KIAA0319L: variants seen among roughly 807,000 people sequenced by gnomAD.
The protein encoded by KIAA0319L is dyslexia-associated protein KIAA0319-like protein.
Under a neutral mutation model 120.1 loss-of-function variants are expected in KIAA0319L, and 55 were observed. The observed-to-expected ratio is 0.46, with a 90% CI of 0.37 to 0.57. The LOEUF (loss-of-function observed/expected upper bound fraction) is 0.57. Ranked by LOEUF, KIAA0319L falls within the 20% of genes least tolerant of loss-of-function variation. KIAA0319L has a pLI of 0.00. For missense variants in KIAA0319L, 1,049 were observed against 1,255.3 expected (o/e 0.84, Z 2.48); for synonymous variants, 398 against 471.9 (o/e 0.84, Z 2.03).
intron 2 of KIAA0319L, among the ~76,000 whole-genome samples, chr1:35,546,721 A>G (rs930649232): frequency 2.0e-5 from 3 of 152,226 alleles, no homozygotes; most frequent in Admixed American, 2.0e-4. Context: ...CTGAATACGT[A>G]TTAGGCCCAA....
chr1:35,479,402 T>G (rs1023482817), intron 3 of KIAA0319L, among the ~76,000 whole-genome samples, 190 bp from the exon 4 acceptor site: 1 of 152,206 alleles, frequency 6.6e-6, no homozygotes, highest in African/African-American at 2.4e-5. Flanking sequence ...GTTTTTTTCC[T>G]AGCCAAAATG....
intron 2 of KIAA0319L, among the ~76,000 whole-genome samples, chr1:35,526,094 T>C (rs1235787326): frequency 6.6e-6 from 1 of 151,968 alleles, no homozygotes; most frequent in Non-Finnish European, 1.5e-5. Flanking sequence ...GAACAAGATA[T>C]CCTTTCCCCA....
chr1:35,526,312 CAT>C (rs761610174), intron 2 of KIAA0319L, among the ~76,000 whole-genome samples: 87 of 141,512 alleles, frequency 6.1e-4, no homozygotes, highest in Non-Finnish European at 9.6e-4. Flanking sequence ...TACATATATA[CAT>C]ATGTGTATGT....
chr1:35,526,385 A>C (rs987455020), intron 2 of KIAA0319L, among the ~76,000 whole-genome samples: 1 of 118,446 alleles, frequency 8.4e-6, no homozygotes, highest in African/African-American at 4.3e-5. Context: ...ATATATATAC[A>C]TACATATATA....
At chr1:35,524,576 T>C (rs1315767722) in intron 2 of KIAA0319L, among the ~76,000 whole-genome samples, 1 of 152,230 alleles carries the variant, frequency 6.6e-6, no homozygotes, top group Non-Finnish European at 1.5e-5. Flanking sequence ...TATTCCTAAA[T>C]TATTGCTAGA....
At chr1:35,503,972 A>G (rs1266003643) in intron 3 of KIAA0319L, among the ~76,000 whole-genome samples, 1 of 142,872 alleles carries the variant, frequency 7.0e-6, no homozygotes, top group East Asian at 2.0e-4. Flanking sequence ...TGCAACTTCC[A>G]CCTCCTGGGT....
chr1:35,466,524 A>C, intron 7 of KIAA0319L, 84 bp downstream of exon 7: 1 of 917,936 alleles, frequency 1.1e-6, no homozygotes, highest in Non-Finnish European at 1.7e-6. Context: ...AAAAATGAGA[A>C]TCAAAAACCC....
At chr1:35,496,822 C>T (rs953995785) in intron 3 of KIAA0319L, among the ~76,000 whole-genome samples, 3 of 151,958 alleles carry the variant, frequency 2.0e-5, no homozygotes, top group Admixed American at 6.6e-5. Flanking sequence ...TGGCACATGC[C>T]TGTATTCCCA....
intron 2 of KIAA0319L, among the ~76,000 whole-genome samples, chr1:35,550,555 C>T (rs1178308850): frequency 1.3e-5 from 2 of 152,016 alleles, no homozygotes; most frequent in East Asian, 3.9e-4. Flanking sequence ...GATAATAATT[C>T]CTCTAGTCAA....
chr1:35,463,588 T>C (rs893598563), intron 7 of KIAA0319L, among the ~76,000 whole-genome samples: 6 of 152,364 alleles, frequency 3.9e-5, no homozygotes, highest in Admixed American at 1.3e-4. Context: ...GGCATTTTCT[T>C]TGCAAAATGA....
At chr1:35,444,013 G>C (rs1163981004) in intron 17 of KIAA0319L, 148 bp downstream of exon 17, 1 of 631,574 alleles carries the variant, frequency 1.6e-6, no homozygotes, top group Admixed American at 3.7e-5. Flanking sequence ...TGATGAATCA[G>C]GACTCTTTCA....
At chr1:35,465,672 G>C (rs915946241) in intron 7 of KIAA0319L, among the ~76,000 whole-genome samples, 12 of 152,146 alleles carry the variant, frequency 7.9e-5, no homozygotes, top group Admixed American at 7.2e-4. Context: ...GGGGCCAGGG[G>C]TGGAATGATA....
intron 2 of KIAA0319L, among the ~76,000 whole-genome samples, chr1:35,515,905 T>C (rs1259303271): frequency 6.6e-6 from 1 of 151,972 alleles, no homozygotes; most frequent in Non-Finnish European, 1.5e-5. Context: ...AAATAACCAT[T>C]AGAAGCTACT....
chr1:35,458,111 T>C (rs1042823746), intron 9 of KIAA0319L, among the ~76,000 whole-genome samples: 2 of 152,212 alleles, frequency 1.3e-5, no homozygotes, highest in Admixed American at 6.5e-5. Flanking sequence ...AATTTTTTTG[T>C]ATTTTTAGTA....
rs186839556 is a variant in KIAA0319L at position 35,464,712 on chromosome 1, T to C, written c.1201+1896A>G. Among the ~76,000 whole-genome samples, 86 of 152,290 alleles carry C rather than the reference T, an allele frequency of 5.6e-4. 1 individual carries two copies. The highest frequency in any genetic ancestry group is 2.0e-3 in the African/African-American group (83 of 41,574). ...CTCTAGGGCATGTGAGAGGGCTTCA[T>C]AGCAGCCCTCACAGGGGCTGGAGGC... On this transcript the variant is annotated intron_variant, in intron 7 of 20. Transcript: ENST00000325722.
At chr1:35,518,122 G>A (rs576372056) in intron 2 of KIAA0319L, among the ~76,000 whole-genome samples, 1 of 152,328 alleles carries the variant, frequency 6.6e-6, no homozygotes, top group African/African-American at 2.4e-5. Context: ...GCTGGTGGGA[G>A]TATAAATTAG....
chr1:35,449,842 C>T, intron 15 of KIAA0319L, 25 bp downstream of exon 15: 2 of 1,613,034 alleles, frequency 1.2e-6, no homozygotes, highest in Non-Finnish European at 1.7e-6. Flanking sequence ...CAATTCTACT[C>T]AGCCTCATCA....
At chr1:35,519,999 C>G (rs1645844885) in intron 2 of KIAA0319L, among the ~76,000 whole-genome samples, 1 of 152,186 alleles carries the variant, frequency 6.6e-6, no homozygotes, top group South Asian at 2.1e-4. Context: ...TAAATGGTCT[C>G]CATTCTTATC....
chr1:35,478,930 C>T (rs1644023851), intron 4 of KIAA0319L, 36 bp downstream of exon 4: 7 of 1,604,548 alleles, frequency 4.4e-6, no homozygotes. Flanking sequence ...AAATGTTCTA[C>T]TTTTTCCTTC....
Sources: allele counts gnomAD v4.1 joint callset (sites outside exome capture counted in the v4.1 genomes callset), GRCh38; gene constraint gnomAD v4.1.1; transcripts MANE v1.5; gene names NCBI Gene and HGNC (gene_info 2026-07-23, HGNC 2026-07-21).